ARHGAP20: variants seen among roughly 807,000 people sequenced by gnomAD.
The protein encoded by ARHGAP20 is Rho GTPase activating protein 20.
ARHGAP20 carries 34 observed loss-of-function variants against 73.7 expected under a neutral mutation model. The ratio of observed to expected loss-of-function variants is 0.46; its 90% CI spans 0.35 to 0.61. The LOEUF is 0.61. Ranked by LOEUF, ARHGAP20 falls within the 20% of genes least tolerant of loss-of-function variation. The pLI is 0.00. For missense variants in ARHGAP20, 1,314 were observed against 1,420.9 expected, an observed-to-expected ratio of 0.92 and a Z score of 1.21; for synonymous variants, 523 against 518.2, an observed-to-expected ratio of 1.01 and a Z score of -0.13.
intron 1 of ARHGAP20, chr11:110,711,520 G>A (rs1950655473): frequency 2.6e-6 from 3 of 1,174,590 alleles, no homozygotes; most frequent in Non-Finnish European, 3.3e-6. Flanking sequence ...CCACCTGGGA[G>A]ACCCGGAATC....
At chr11:110,709,531 A>G (rs2135161627) in intron 1 of ARHGAP20, among the ~76,000 whole-genome samples, 1 of 152,352 alleles carries the variant, frequency 6.6e-6, no homozygotes, top group Admixed American at 6.5e-5. Flanking sequence ...ATGACTGAGG[A>G]GCACTTCCAC....
chr11:110,663,790 T>G (rs1165347087), intron 2 of ARHGAP20, among the ~76,000 whole-genome samples: 1 of 152,020 alleles, frequency 6.6e-6, no homozygotes, highest in African/African-American at 2.4e-5. Context: ...CCAAAGACAT[T>G]ATACCAAAAG....
chr11:110,592,229 G>A, intron 9 of ARHGAP20, 74 bp from the exon 10 acceptor site: 2 of 1,415,650 alleles, frequency 1.4e-6, no homozygotes, highest in Non-Finnish European at 9.6e-7. Context: ...TCCATTTTAT[G>A]GTATGTTTGT....
At chr11:110,712,979 C>T (rs1170857609), upstream of ARHGAP20, 1 of 152,308 alleles carries the variant, frequency 6.6e-6, no homozygotes, top group Non-Finnish European at 1.5e-5. Flanking sequence ...ATCGCCTGAC[C>T]TCTTGTGCAA....
intron 2 of ARHGAP20, among the ~76,000 whole-genome samples, chr11:110,636,629 G>C (rs1948973449): frequency 6.6e-6 from 1 of 151,990 alleles, no homozygotes; most frequent in Non-Finnish European, 1.5e-5. Flanking sequence ...TGTAAGTGTG[G>C]TGAGAGATGC....
chr11:110,583,871 G>A (rs1947542752), intron 12 of ARHGAP20, 134 bp from the exon 13 acceptor site: 6 of 652,246 alleles, frequency 9.2e-6, no homozygotes. Context: ...CAGTTAACAT[G>A]GTACCATACA....
intron 1 of ARHGAP20, among the ~76,000 whole-genome samples, chr11:110,701,406 G>A (rs1372220162): frequency 6.6e-6 from 1 of 151,864 alleles, no homozygotes; most frequent in African/African-American, 2.4e-5. Flanking sequence ...GTCTGTTCAT[G>A]TCCTTTGCCC....
chr11:110,708,953 A>G (rs898219672), intron 1 of ARHGAP20, among the ~76,000 whole-genome samples: 1 of 152,232 alleles, frequency 6.6e-6, no homozygotes, highest in African/African-American at 2.4e-5. Context: ...CAAGAGCTCA[A>G]TAGCTACATG....
At position 110,645,699 on chromosome 11, in the gene ARHGAP20, T is replaced by G. The variant is rs542730939; in HGVS notation, c.189-14907A>C. Among the ~76,000 whole-genome samples, 295 of 152,284 alleles carry G rather than the reference T, an allele frequency of 1.9e-3. 4 individuals carry two copies. Among genetic ancestry groups the G allele is most frequent in the African/African-American group, 6.8e-3 (282 of 41,570 alleles). On this transcript the variant is annotated intron_variant, in intron 2 of 14. Transcript: ENST00000683387. Reference sequence around the variant, plus strand: ...ATGTTCATTGCAGCACTACTCACAATAGCAAAGACAAAATCAGCCCAGGTG... The same window carrying G: ...ATGTTCATTGCAGCACTACTCACAAGAGCAAAGACAAAATCAGCCCAGGTG...
intron 2 of ARHGAP20, among the ~76,000 whole-genome samples, chr11:110,634,112 G>T (rs1205228609): frequency 1.3e-5 from 2 of 152,142 alleles, no homozygotes; most frequent in Non-Finnish European, 2.9e-5. Flanking sequence ...TGACAGAAGG[G>T]ATAACAAGCT....
rs778787993 is a variant in ARHGAP20, at chr11:110,586,370, G to A, written c.1306-45C>T. 5 of 1,217,010 alleles carry A rather than the reference G, an allele frequency of 4.1e-6. No individual in the cohort carries two copies. In the Admixed American group the frequency reaches 6.6e-5, roughly 16 times the overall value. The allele number at this position is 1,217,010 out of a possible 1,614,324, so 75.4% of individuals were successfully genotyped here. A position where few individuals can be genotyped will look rare whatever the true frequency, so the allele number is the denominator to read the frequency against. On this transcript the variant is annotated intron_variant, in intron 11 of 14. Transcript: ENST00000683387. ...AAATATTTCAAATAATTATCCTCATGCCAAATATGTATTAGAGAAAGTAGA... is the reference window on the plus strand; with the variant it reads ...AAATATTTCAAATAATTATCCTCATACCAAATATGTATTAGAGAAAGTAGA...
rs540275818 is a variant in ARHGAP20 at position 110,708,340 on chromosome 11, T to C, written c.105+3787A>G. 2.0e-5 allele frequency among the ~76,000 whole-genome samples: 3 copies of C among 152,282 alleles called. No homozygotes were observed. In the East Asian group the frequency reaches 5.8e-4, roughly 29 times the overall value. ...ACTTCGGAAAAAACAATGGACAGAT[T>C]CTTAAAAAGTTCAATATATACCTAA... On this transcript the variant is annotated intron_variant, in intron 1 of 14. Coordinates refer to ENST00000683387, the MANE Select transcript of ARHGAP20 (RefSeq NM_001384657.1).
Position 110,673,109 on chromosome 11 carries a change from A to T in ARHGAP20, c.188+17438T>A, listed in dbSNP as rs150660726. Among the ~76,000 whole-genome samples, 71 of 152,350 alleles carry T rather than the reference A, an allele frequency of 4.7e-4. 3 individuals are homozygous for T. In the East Asian group the frequency reaches 0.014, roughly 29 times the overall value. ...TCCTGCTGAGCCAAAAGGGACTAACACAAAAGAAATATATAAGACAAAAAG... is the reference window on the plus strand; with the variant it reads ...TCCTGCTGAGCCAAAAGGGACTAACTCAAAAGAAATATATAAGACAAAAAG... On this transcript the variant is annotated intron_variant, in intron 2 of 14. Coordinates refer to ENST00000683387, the MANE Select transcript of ARHGAP20 (RefSeq NM_001384657.1).
At chr11:110,661,497 A>T (rs1363837007) in intron 2 of ARHGAP20, among the ~76,000 whole-genome samples, 3 of 152,132 alleles carry the variant, frequency 2.0e-5, no homozygotes, top group South Asian at 4.1e-4. Flanking sequence ...TAACCCTCTC[A>T]TCATTAACAC....
chr11:110,707,905 C>T (rs1950578550), intron 1 of ARHGAP20, among the ~76,000 whole-genome samples: 1 of 149,926 alleles, frequency 6.7e-6, no homozygotes, highest in Non-Finnish European at 1.5e-5. Context: ...CTGTCCAATA[C>T]AGTAGCCACT....
At chr11:110,686,767 T>A (rs905159445) in intron 2 of ARHGAP20, among the ~76,000 whole-genome samples, 1 of 152,038 alleles carries the variant, frequency 6.6e-6, no homozygotes, top group African/African-American at 2.4e-5. Context: ...AATATGCTGA[T>A]ATCTGTATCC....
At chr11:110,703,951 C>A (rs963216516) in intron 1 of ARHGAP20, among the ~76,000 whole-genome samples, 7 of 152,190 alleles carry the variant, frequency 4.6e-5, no homozygotes, top group Non-Finnish European at 8.8e-5. Context: ...CCTGGCTCCC[C>A]AGTATCCATC....
intron 3 of ARHGAP20, among the ~76,000 whole-genome samples, chr11:110,627,716 G>A (rs761139416): frequency 3.3e-5 from 5 of 152,104 alleles, no homozygotes; most frequent in East Asian, 1.9e-4. Context: ...GATGGCTTAC[G>A]AGGGTGTGAG....
At chr11:110,658,282 T>A (rs968264629) in intron 2 of ARHGAP20, among the ~76,000 whole-genome samples, 9 of 152,194 alleles carry the variant, frequency 5.9e-5, no homozygotes, top group African/African-American at 2.2e-4. Context: ...TGGTTCTCCA[T>A]CACAGAGTAG....
Sources: allele counts gnomAD v4.1 joint callset (sites outside exome capture counted in the v4.1 genomes callset), GRCh38; gene constraint gnomAD v4.1.1; transcripts MANE v1.5; gene names NCBI Gene and HGNC (gene_info 2026-07-23, HGNC 2026-07-21).